Variants in WDPCP observed in about 807,000 individuals in gnomAD.
The protein encoded by WDPCP is WD repeat-containing and planar cell polarity effector protein fritz homolog.
In WDPCP, 71 loss-of-function variants were observed where a neutral mutation model predicts 93.1. That is an observed-to-expected ratio of 0.76 (90% CI 0.63 to 0.93). WDPCP has a LOEUF of 0.93. Ranked by LOEUF, WDPCP falls within the 40% of genes least tolerant of loss-of-function variation. The pLI, the probability that WDPCP is intolerant of heterozygous loss-of-function variation, is 0.00. For missense variants in WDPCP, 844 were observed against 887.4 expected (o/e 0.95, Z 0.62); for synonymous variants, 315 against 315.0 (o/e 1.00, Z 0.00).
intron 2 of WDPCP, among the ~76,000 whole-genome samples, chr2:63,803,882 C>T (rs1344951432): frequency 6.6e-6 from 1 of 152,160 alleles, no homozygotes; most frequent in East Asian, 1.9e-4. Flanking sequence ...TAGATATGTA[C>T]TTAACATTAC....
At chr2:63,610,850 T>C (rs115748873) in intron 3 of WDPCP, among the ~76,000 whole-genome samples, 1,773 of 152,336 alleles carry the variant, frequency 0.012, 16 homozygotes, top group Non-Finnish European at 0.017. Flanking sequence ...TCTCAGCACT[T>C]TGGGGGACCC....
At chr2:63,488,173 A>G (rs968330027) in intron 2 of WDPCP, among the ~76,000 whole-genome samples, 2 of 152,074 alleles carry the variant, frequency 1.3e-5, no homozygotes, top group Non-Finnish European at 2.9e-5. Context: ...CATTTTCTTC[A>G]TATCTATGAA....
At chr2:63,717,691 C>G in intron 2 of WDPCP, 1 of 482,440 alleles carries the variant, frequency 2.1e-6, no homozygotes, top group Non-Finnish European at 4.1e-6. Flanking sequence ...CAGGGCAAGG[C>G]CAAGAATCCT....
At chr2:63,727,257 G>C (rs1408254780) in intron 2 of WDPCP, among the ~76,000 whole-genome samples, 1 of 152,146 alleles carries the variant, frequency 6.6e-6, no homozygotes, top group South Asian at 2.1e-4. Context: ...TAACATAAAG[G>C]AATGTTGAAT....
chr2:63,550,166 A>G (rs1705480534), intron 1 of WDPCP, among the ~76,000 whole-genome samples: 1 of 149,858 alleles, frequency 6.7e-6, no homozygotes, highest in African/African-American at 2.5e-5. Context: ...CAACAGCATT[A>G]ACTATATTTG....
chr2:63,494,924 A>C (rs1407827272), intron 1 of WDPCP, among the ~76,000 whole-genome samples: 1 of 151,438 alleles, frequency 6.6e-6, no homozygotes, highest in African/African-American at 2.4e-5. Context: ...CGTCTCAAAA[A>C]AAAAAAAAAA....
chr2:63,522,505 A>G (rs1317970503), intron 1 of WDPCP, among the ~76,000 whole-genome samples: 1 of 135,824 alleles, frequency 7.4e-6, no homozygotes, highest in Non-Finnish European at 1.6e-5. Context: ...CAAACATACA[A>G]AAGATCAATG....
chr2:63,326,069 C>T (rs1371881534), intron 12 of WDPCP, among the ~76,000 whole-genome samples: 4 of 152,314 alleles, frequency 2.6e-5, no homozygotes, highest in East Asian at 1.9e-4. Flanking sequence ...GAAAGGATCT[C>T]ACTGTCTGGA....
In WDPCP at chr2:63,216,232, A is replaced by AT. The variant is rs529418866; in HGVS notation, c.1916-41401dup. On this transcript the variant is annotated intron_variant, in intron 14 of 17. Transcript: ENST00000272321. The stretch of plus-strand genomic sequence containing the variant: ...GCATATACCCAAAGGATTATAAATC[A>AT]TGCTGCTATAAAGACACATGCACAC... 2.5e-3 allele frequency among the ~76,000 whole-genome samples: 385 copies of AT among 152,360 alleles called. 3 individuals are homozygous for AT. Among genetic ancestry groups the AT allele is most frequent in the Non-Finnish European group, 3.0e-3 (203 of 68,044 alleles).
intron 1 of WDPCP, among the ~76,000 whole-genome samples, chr2:63,824,537 C>CAA (rs70965144): frequency 0.033 from 2,787 of 85,104 alleles, 464 homozygotes; most frequent in African/African-American, 0.089. Flanking sequence ...GACCATGTTT[C>CAA]AAAAAAAAAA....
At chr2:63,739,402 C>A (rs1267807634) in intron 2 of WDPCP, among the ~76,000 whole-genome samples, 2 of 152,044 alleles carry the variant, frequency 1.3e-5, no homozygotes, top group Non-Finnish European at 2.9e-5. Context: ...GTATATGTAC[C>A]ACATTTTCTT....
At chr2:63,292,132 C>CAAAAAAAAAAAAAA (rs58370764) in intron 13 of WDPCP, among the ~76,000 whole-genome samples, 1 of 83,386 alleles carries the variant, frequency 1.2e-5, no homozygotes, top group Non-Finnish European at 2.3e-5. Flanking sequence ...GACTCCGGCT[C>CAAAAAAAAAAAAAA]AAAAAAAAAA....
chr2:63,683,519 T>C (rs1575746695), intron 2 of WDPCP, among the ~76,000 whole-genome samples: 1 of 152,094 alleles, frequency 6.6e-6, no homozygotes, highest in Non-Finnish European at 1.5e-5. Context: ...TAATATGATA[T>C]TTATATCAGA....
intron 2 of WDPCP, among the ~76,000 whole-genome samples, chr2:63,671,623 C>A (rs925279738): frequency 1.3e-5 from 2 of 152,080 alleles, no homozygotes; most frequent in Non-Finnish European, 2.9e-5. Context: ...TCTCGGCTCA[C>A]TGCAACCTCC....
chr2:63,830,493 G>A (rs1008959397), upstream of WDPCP, among the ~76,000 whole-genome samples: 60 of 151,940 alleles, frequency 3.9e-4, 1 homozygote, highest in Non-Finnish European at 2.9e-4. Flanking sequence ...ATTTTCTCTC[G>A]GAACTATAAA....
At chr2:63,668,996 AC>A (rs1346161300) in intron 2 of WDPCP, among the ~76,000 whole-genome samples, 1 of 152,128 alleles carries the variant, frequency 6.6e-6, no homozygotes, top group African/African-American at 2.4e-5. Context: ...TTTTGGCTAG[AC>A]CCTGGTCAAC....
chr2:63,679,397 C>T (rs568743175), intron 2 of WDPCP, among the ~76,000 whole-genome samples: 1 of 152,132 alleles, frequency 6.6e-6, no homozygotes, highest in Non-Finnish European at 1.5e-5. Context: ...GTAGTCATGG[C>T]ACATGCAGAA....
chr2:63,463,219 A>T (rs1699134825), intron 6 of WDPCP, among the ~76,000 whole-genome samples: 1 of 152,064 alleles, frequency 6.6e-6, no homozygotes. Context: ...ATTTAAGATG[A>T]TAAGATTTTT....
upstream of WDPCP, among the ~76,000 whole-genome samples, chr2:63,591,674 C>T (rs886193546): frequency 2.0e-5 from 3 of 152,190 alleles, no homozygotes; most frequent in Non-Finnish European, 4.4e-5. Flanking sequence ...TTCCTTCATT[C>T]AACAAATACT....
Sources: gnomAD v4.1 joint callset for allele counts (sites outside exome capture counted in the v4.1 genomes callset) on GRCh38, gnomAD v4.1.1 for gene constraint, MANE v1.5 for transcripts, NCBI Gene and HGNC (gene_info 2026-07-23, HGNC 2026-07-21) for gene names.